Variants in RTN4RL1 observed in about 807,000 individuals in gnomAD.
RTN4RL1 encodes reticulon-4 receptor-like 1.
RTN4RL1 carries 7 observed loss-of-function variants against 25.6 expected under a neutral mutation model. That is an observed-to-expected ratio of 0.27 (90% CI 0.16 to 0.51). The LOEUF (loss-of-function observed/expected upper bound fraction) is 0.51. Ranked by LOEUF, RTN4RL1 falls within the 20% of genes least tolerant of loss-of-function variation. The pLI is 0.97. For synonymous variants in RTN4RL1, 297 were observed against 288.2 expected (o/e 1.03, Z -0.31); for missense variants, 500 against 615.6 (o/e 0.81, Z 1.99).
chr17:1,972,504 G>A (rs996356392), intron 1 of RTN4RL1, among the ~76,000 whole-genome samples: 5 of 151,880 alleles, frequency 3.3e-5, no homozygotes, highest in African/African-American at 1.2e-4. Context: ...CCTTCAGCCT[G>A]GCCACCCTTG....
chr17:1,982,613 CAAAAGAAAAGAAAAGAAAAG>C (rs71150842), intron 1 of RTN4RL1, among the ~76,000 whole-genome samples: 21 of 148,980 alleles, frequency 1.4e-4, no homozygotes, highest in African/African-American at 3.7e-4. Flanking sequence ...GACTCCGTCT[CAAAAGAAAAGAAAAGAAAAG>C]AAAAGAAAAG....
At chr17:1,973,115 C>A (rs1358284331) in intron 1 of RTN4RL1, among the ~76,000 whole-genome samples, 1 of 152,210 alleles carries the variant, frequency 6.6e-6, no homozygotes, top group East Asian at 1.9e-4. Context: ...GTAATCCCAG[C>A]ACTTTGGGAC....
At chr17:1,996,032 A>G (rs1016677700) in intron 1 of RTN4RL1, among the ~76,000 whole-genome samples, 8 of 152,196 alleles carry the variant, frequency 5.3e-5, no homozygotes, top group Admixed American at 6.5e-5. Flanking sequence ...TGTGACAAGC[A>G]TCCCTGGGCC....
intron 1 of RTN4RL1, among the ~76,000 whole-genome samples, chr17:1,966,062 C>G (rs1007408254): frequency 6.6e-6 from 1 of 152,132 alleles, no homozygotes; most frequent in Admixed American, 6.6e-5. Context: ...AGCCCAGCCT[C>G]CTGCTCAGGT....
At chr17:1,949,884 A>G (rs1915638453) in intron 1 of RTN4RL1, among the ~76,000 whole-genome samples, 1 of 152,258 alleles carries the variant, frequency 6.6e-6, no homozygotes, top group South Asian at 2.1e-4. Context: ...TTCTGAATTG[A>G]AACCTAAAAG....
chr17:1,951,747 C>T (rs1915685717), intron 1 of RTN4RL1, among the ~76,000 whole-genome samples: 1 of 152,188 alleles, frequency 6.6e-6, no homozygotes, highest in African/African-American at 2.4e-5. Flanking sequence ...GCCACCGCGC[C>T]CGGCCCGAAG....
In RTN4RL1 at chr17:1,935,353, C is replaced by T. The variant is rs1403721989; in HGVS notation, c.*1143G>A. 6.3e-6 allele frequency: 1 copy of T among 158,890 alleles called. No homozygotes were observed. Among genetic ancestry groups the T allele is most frequent in the Non-Finnish European group, 1.4e-5 (1 of 73,808 alleles). 9.8% of individuals were successfully genotyped at this position (158,890 alleles called of 1,614,324 possible). ...TGCTTCTCACTTCTCACCCTGAAGC[C>T]AACAGCTACGACAGCAGGGGTGACA... On this transcript the variant is annotated 3_prime_UTR_variant, in exon 2 of 2. Transcript: ENST00000331238.
At chr17:1,996,001 G>A (rs1219441487) in intron 1 of RTN4RL1, among the ~76,000 whole-genome samples, 1 of 152,178 alleles carries the variant, frequency 6.6e-6, no homozygotes, top group Non-Finnish European at 1.5e-5. Context: ...GTTCCTTGGC[G>A]AGGTGAGGGC....
chr17:2,002,793 C>T (rs982925087), intron 1 of RTN4RL1, among the ~76,000 whole-genome samples: 5 of 152,218 alleles, frequency 3.3e-5, no homozygotes, highest in Middle Eastern at 3.4e-3. Context: ...CAGGTCCCGG[C>T]GAGGAGGCAG....
At chr17:1,987,232 T>G (rs1223796388) in intron 1 of RTN4RL1, among the ~76,000 whole-genome samples, 1 of 152,064 alleles carries the variant, frequency 6.6e-6, no homozygotes, top group Admixed American at 6.5e-5. Flanking sequence ...TAGAGCCAGC[T>G]CAGCCCCCAC....
chr17:2,017,548 C>T (rs1228280859), intron 1 of RTN4RL1, among the ~76,000 whole-genome samples: 1 of 152,244 alleles, frequency 6.6e-6, no homozygotes, highest in South Asian at 2.1e-4. Context: ...GGCACCGAGC[C>T]CTGCCAGTGG....
At chr17:1,954,118 G>A (rs56182733) in intron 1 of RTN4RL1, among the ~76,000 whole-genome samples, 67,228 of 151,686 alleles carry the variant, frequency 0.44, 15,790 homozygotes, top group Middle Eastern at 0.57. Context: ...CATAGAACAT[G>A]GTAGTATGTC....
intron 1 of RTN4RL1, among the ~76,000 whole-genome samples, chr17:1,944,683 C>T (rs1296142967): frequency 6.6e-6 from 1 of 152,166 alleles, no homozygotes; most frequent in African/African-American, 2.4e-5. Flanking sequence ...TCTCAAACTC[C>T]TGACCTCAGG....
chr17:2,008,124 C>A (rs1288505942), intron 1 of RTN4RL1, among the ~76,000 whole-genome samples: 1 of 151,622 alleles, frequency 6.6e-6, no homozygotes, highest in East Asian at 1.9e-4. Context: ...ACAAAATTAT[C>A]CGGCTGTGGT....
At chr17:2,006,949 C>A (rs189883075) in intron 1 of RTN4RL1, among the ~76,000 whole-genome samples, 1 of 151,990 alleles carries the variant, frequency 6.6e-6, no homozygotes, top group East Asian at 1.9e-4. Context: ...GTGTGCTCAG[C>A]GGAGCAGAGG....
chr17:2,002,221 T>TCC (rs2066962617), intron 1 of RTN4RL1, among the ~76,000 whole-genome samples: 2 of 151,940 alleles, frequency 1.3e-5, no homozygotes, highest in South Asian at 4.1e-4. Flanking sequence ...TCTCTTTCTT[T>TCC]CCCTTTCTTC....
chr17:2,024,285 G>C (rs935026738), intron 1 of RTN4RL1, among the ~76,000 whole-genome samples: 1 of 152,214 alleles, frequency 6.6e-6, no homozygotes, highest in African/African-American at 2.4e-5. Flanking sequence ...CTGGACATCA[G>C]GCGCTGGCCG....
chr17:1,951,355 G>C (rs1450200476), intron 1 of RTN4RL1, among the ~76,000 whole-genome samples: 1 of 152,204 alleles, frequency 6.6e-6, no homozygotes, highest in Non-Finnish European at 1.5e-5. Context: ...GGAGGGGAAA[G>C]GAGGAGTCAG....
At chr17:1,963,969 C>T (rs2066777539) in intron 1 of RTN4RL1, among the ~76,000 whole-genome samples, 1 of 152,130 alleles carries the variant, frequency 6.6e-6, no homozygotes. Flanking sequence ...TCAGGTGATC[C>T]ACCTGCCTCG....
Sources: gnomAD v4.1 joint callset for allele counts (sites outside exome capture counted in the v4.1 genomes callset) on GRCh38, gnomAD v4.1.1 for gene constraint, MANE v1.5 for transcripts, NCBI Gene and HGNC (gene_info 2026-07-23, HGNC 2026-07-21) for gene names.